The following IGF2BP2 variants were observed in gnomAD, a reference collection of about 807,000 sequenced individuals.
IGF2BP2 encodes insulin-like growth factor 2 mRNA-binding protein 2.
IGF2BP2 carries 17 observed loss-of-function variants against 75.8 expected under a neutral mutation model. The observed-to-expected ratio is 0.22, with a 90% CI of 0.15 to 0.34. The LOEUF (loss-of-function observed/expected upper bound fraction) is 0.34, where lower values mean the gene tolerates loss of function less well. Ranked by LOEUF, IGF2BP2 falls within the 10% of genes least tolerant of loss-of-function variation. The pLI, the probability that IGF2BP2 is intolerant of heterozygous loss-of-function variation, is 1.00. For synonymous variants in IGF2BP2, 288 were observed against 295.6 expected (o/e 0.97, Z 0.26); for missense variants, 516 against 772.4 (o/e 0.67, Z 3.93).
At chr3:185,665,269 GAGGAGA>G (rs1560250181) in intron 10 of IGF2BP2, among the ~76,000 whole-genome samples, 1 of 134,474 alleles carries the variant, frequency 7.4e-6, no homozygotes, top group African/African-American at 2.8e-5. Context: ...GGAGGAGGAG[GAGGAGA>G]AGGAGAAGAA....
chr3:185,653,345 G>A (rs550841621), intron 12 of IGF2BP2, among the ~76,000 whole-genome samples: 4 of 152,074 alleles, frequency 2.6e-5, no homozygotes, highest in Admixed American at 2.0e-4. Context: ...GAGGCCAGGC[G>A]TGCAGTGGCT....
At chr3:185,820,497 G>T (rs1414646226) in intron 2 of IGF2BP2, among the ~76,000 whole-genome samples, 1 of 151,908 alleles carries the variant, frequency 6.6e-6, no homozygotes, top group Non-Finnish European at 1.5e-5. Flanking sequence ...CTTTATGTGC[G>T]GTTGACATTA....
rs753833292 is a variant in IGF2BP2, at chr3:185,687,195, T to C, written c.678-4A>G. On this transcript the variant is annotated splice_region_variant and splice_polypyrimidine_tract_variant and intron_variant, in intron 6 of 15. Transcript: ENST00000382199. ...CTCTTTTCTATGGATATCTACCCTG[T>C]AGGAAAAGAATCAGGAGCCATGATT... 4 of 1,597,842 alleles carry C rather than the reference T, an allele frequency of 2.5e-6. No homozygotes were observed. The East Asian group carries it at 6.7e-5, about 27-fold the overall frequency.
At chr3:185,797,230 C>T (rs1175512522) in intron 2 of IGF2BP2, among the ~76,000 whole-genome samples, 1 of 152,130 alleles carries the variant, frequency 6.6e-6, no homozygotes, top group Non-Finnish European at 1.5e-5. Flanking sequence ...CTACTCAGCC[C>T]TTACAATTCT....
chr3:185,682,798 T>C (rs1053198800), intron 7 of IGF2BP2, among the ~76,000 whole-genome samples: 2 of 152,046 alleles, frequency 1.3e-5, no homozygotes, highest in Non-Finnish European at 2.9e-5. Flanking sequence ...ATAACATGTG[T>C]TGGAGAGAAT....
intron 2 of IGF2BP2, among the ~76,000 whole-genome samples, chr3:185,706,741 C>CTTT (rs768995397): frequency 2.2e-5 from 3 of 139,440 alleles, no homozygotes; most frequent in Non-Finnish European, 1.6e-5. Flanking sequence ...GAGATTCCTT[C>CTTT]TTTTTTTTTT....
At chr3:185,733,838 G>A (rs1728510719) in intron 2 of IGF2BP2, among the ~76,000 whole-genome samples, 3 of 152,070 alleles carry the variant, frequency 2.0e-5, no homozygotes, top group Admixed American at 2.0e-4. Flanking sequence ...CAAACAAACA[G>A]TAGTTTAGGA....
At position 185,824,767 on chromosome 3, in the gene IGF2BP2, C is replaced by G; in HGVS notation, c.178+16G>C. On this transcript the variant is annotated intron_variant, in intron 1 of 15. Coordinates refer to ENST00000382199, the MANE Select transcript of IGF2BP2 (RefSeq NM_006548.6). ...GCGGGGCGAGGCGGGGGGAGGGGGC[C>G]GCGCTGAGTGCTCACCCGAGAGGGT... is the stretch of plus-strand genomic sequence containing the variant. 7.6e-7 allele frequency: 1 copy of G among 1,322,510 alleles called. No homozygotes were observed. Among genetic ancestry groups the G allele is most frequent in the Non-Finnish European group, 9.8e-7 (1 of 1,016,308 alleles). 81.9% of individuals were successfully genotyped at this position (1,322,510 alleles called of 1,614,324 possible).
At chr3:185,657,145 T>G in intron 12 of IGF2BP2, 141 bp downstream of exon 12, 1 of 588,968 alleles carries the variant, frequency 1.7e-6, no homozygotes, top group East Asian at 2.6e-5. Context: ...CGGACGGGAA[T>G]AGTCATGGGG....
chr3:185,707,265 T>A (rs1485283359), intron 2 of IGF2BP2, among the ~76,000 whole-genome samples: 5 of 148,150 alleles, frequency 3.4e-5, no homozygotes, highest in African/African-American at 7.5e-5. Context: ...TCTGCTTTTT[T>A]AAATTTATAT....
intron 2 of IGF2BP2, among the ~76,000 whole-genome samples, chr3:185,780,048 A>T (rs1402863719): frequency 6.6e-6 from 1 of 152,252 alleles, no homozygotes; most frequent in East Asian, 1.9e-4. Context: ...GCTAAAGTGA[A>T]TGAGCCAGAT....
chr3:185,658,900 G>A (rs577239889), intron 10 of IGF2BP2, among the ~76,000 whole-genome samples: 1 of 152,282 alleles, frequency 6.6e-6, no homozygotes, highest in East Asian at 1.9e-4. Flanking sequence ...AGATCAGTCA[G>A]CTCCATCAGA....
At chr3:185,759,548 G>C (rs949665840) in intron 2 of IGF2BP2, among the ~76,000 whole-genome samples, 4 of 152,210 alleles carry the variant, frequency 2.6e-5, no homozygotes, top group African/African-American at 9.6e-5. Flanking sequence ...TAAGAGGTAA[G>C]AGTCCAGCAT....
intron 2 of IGF2BP2, among the ~76,000 whole-genome samples, chr3:185,705,151 C>G (rs931923008): frequency 2.6e-5 from 4 of 152,240 alleles, no homozygotes; most frequent in African/African-American, 9.6e-5. Context: ...GGCTAGAGTG[C>G]AGTGGTGCGA....
At chr3:185,658,310 G>T (rs750417267) in intron 11 of IGF2BP2, 31 bp downstream of exon 11, 1 of 1,601,022 alleles carries the variant, frequency 6.2e-7, no homozygotes, top group African/African-American at 1.3e-5. Flanking sequence ...AGGAGAAGTG[G>T]CAGGTGCGGC....
At chr3:185,693,842 T>C (rs1251808789) in intron 4 of IGF2BP2, among the ~76,000 whole-genome samples, 2 of 152,144 alleles carry the variant, frequency 1.3e-5, no homozygotes, top group South Asian at 2.1e-4. Context: ...CTGTCCAAAG[T>C]AATAATAAAA....
rs532238619 is a variant in IGF2BP2 at position 185,756,698 on chromosome 3, G to A, written c.240-58351C>T. 5.3e-5 allele frequency among the ~76,000 whole-genome samples: 8 copies of A among 152,180 alleles called. No homozygotes were observed. The South Asian group carries it at 1.4e-3, about 28-fold the overall frequency. ...GATCAGAAACTCAGGAGGTGGCCGGGCGTGGTGGCTCATGCCTGTAATCCG... is the reference window on the plus strand; with the variant it reads ...GATCAGAAACTCAGGAGGTGGCCGGACGTGGTGGCTCATGCCTGTAATCCG... On this transcript the variant is annotated intron_variant, in intron 2 of 15. Transcript: ENST00000382199.
chr3:185,677,046 T>TAG lies in IGF2BP2; in HGVS notation c.813-1134_813-1133insCT, dbSNP rs1292137877. Among the ~76,000 whole-genome samples, 41 of 43,830 alleles carry TAG rather than the reference T, an allele frequency of 9.4e-4. 1 individual carries two copies. Among genetic ancestry groups the TAG allele is most frequent in the Non-Finnish European group, 1.3e-3 (30 of 23,704 alleles). The allele number at this position is 43,830 out of a possible 152,430, so 28.8% of individuals were successfully genotyped here. A position where few individuals can be genotyped will look rare whatever the true frequency, so the allele number is the denominator to read the frequency against. On this transcript the variant is annotated intron_variant, in intron 7 of 15. Transcript: ENST00000382199. ...AGAGAGATATATATATATATGGAGA[T>TAG]ATATATATATATATATATATATAGA... is the stretch of plus-strand genomic sequence containing the variant.
At chr3:185,800,553 A>G (rs2149932888) in intron 2 of IGF2BP2, among the ~76,000 whole-genome samples, 1 of 152,236 alleles carries the variant, frequency 6.6e-6, no homozygotes, top group East Asian at 1.9e-4. Context: ...CCTGGCCAAT[A>G]TGGTGAAATC....
Sources: gnomAD v4.1 joint callset for allele counts (sites outside exome capture counted in the v4.1 genomes callset) on GRCh38, gnomAD v4.1.1 for gene constraint, MANE v1.5 for transcripts, NCBI Gene and HGNC (gene_info 2026-07-23, HGNC 2026-07-21) for gene names.